The following HNF1A variants were observed in gnomAD, a reference collection of about 807,000 sequenced individuals.
HNF1A encodes the protein hepatocyte nuclear factor 1-alpha.
A neutral mutation model predicts 62.2 loss-of-function variants in HNF1A; 21 were observed. The ratio of observed to expected loss-of-function variants is 0.34; its 90% CI spans 0.24 to 0.49. The LOEUF (loss-of-function observed/expected upper bound fraction) is 0.49. Among genes scored for constraint, HNF1A ranks in the 20% least tolerant of loss-of-function variants. The pLI, the probability that HNF1A is intolerant of heterozygous loss-of-function variation, is 0.99. For synonymous variants in HNF1A, 374 were observed against 366.8 expected, an observed-to-expected ratio of 1.02 and a Z score of -0.22; for missense variants, 687 against 832.3, an observed-to-expected ratio of 0.83 and a Z score of 2.15.
chr12:121,001,292 G>A lies in HNF1A; in HGVS notation c.*100G>A. 7.0e-7 allele frequency: 1 copy of A among 1,425,524 alleles called. No homozygotes were observed. Among genetic ancestry groups the A allele is most frequent in the African/African-American group, 1.4e-5 (1 of 71,142 alleles). 88.3% of individuals were successfully genotyped at this position (1,425,524 alleles called of 1,614,324 possible). ...GGACCTGAGCCTGCCGAGCAACCGT[G>A]GCCCTTCCTGGACAGCTGTGCCTCG... On this transcript the variant is annotated 3_prime_UTR_variant, in exon 10 of 10. Transcript: ENST00000257555.
chr12:120,992,899 T>C (rs1240084748), intron 2 of HNF1A, among the ~76,000 whole-genome samples: 1 of 152,216 alleles, frequency 6.6e-6, no homozygotes. Context: ...ATTCAGAATC[T>C]ACCTTCCTCT....
intron 1 of HNF1A, among the ~76,000 whole-genome samples, chr12:120,984,780 C>A (rs570917094): frequency 1.5e-4 from 23 of 151,792 alleles, no homozygotes; most frequent in Non-Finnish European, 2.5e-4. Flanking sequence ...TTTTTGAGTC[C>A]CAACTAGATC....
chr12:120,997,486 C>T lies in HNF1A; in HGVS notation c.1322C>T (p.Thr441Met), dbSNP rs371544082. The T allele has an allele frequency of 4.4e-6, 7 of 1,608,490 alleles. No homozygotes were observed. The highest frequency in any genetic ancestry group is 2.2e-5 in the South Asian group (2 of 90,884). The stretch of plus-strand genomic sequence containing the variant: ...CCTTCCACTCCAGGCCTGGCCTCCA[C>T]GCAGGCACAGAGTGTGCCGGTCATC... ...ASTLVIGLAS[T>M]QAQSVPVINS... Residue 441 changes from threonine (T) to methionine (M), a missense_variant, in exon 7 of 10, where the codon ACG becomes ATG. By Grantham distance (81) the Thr-to-Met change is moderately conservative. Around this residue, in one of 5 missense-constraint regions of HNF1A, gnomAD observed 408 missense variants for 455.3 expected, o/e 0.90. Coordinates refer to ENST00000257555, the MANE Select transcript of HNF1A (RefSeq NM_000545.8).
Position 120,978,907 on chromosome 12 carries a change from G to A in HNF1A, c.139G>A (p.Gly47Arg), listed in dbSNP as rs373180062. The change falls in exon 1 of 10, where the codon GGG becomes AGG. Residue 47 changes from glycine to arginine, a missense_variant. Gly to Arg is a moderately radical substitution (Grantham distance 125, BLOSUM62 -2). This residue lies in a region of HNF1A where 159 missense variants were observed against 154.4 expected (regional missense o/e 1.03). Transcript: ENST00000257555. ...GGCTGGAGAAGGCCCCCTGGACAAG[G>A]GGGAGTCCTGCGGCGGCGGTCGAGG... ...LLAGEGPLDK[G>R]ESCGGGRGEL... 3 of 1,612,930 alleles carry A rather than the reference G, an allele frequency of 1.9e-6. No individual in the cohort carries two copies. The highest frequency in any genetic ancestry group is 2.5e-6 in the Non-Finnish European group (3 of 1,179,580).
In HNF1A at chr12:121,001,949, T is replaced by C; in HGVS notation, c.*757T>C. On this transcript the variant is annotated 3_prime_UTR_variant, in exon 10 of 10. Transcript: ENST00000257555. ...TGCCTCTGAGGCCAGCCTGGCCTCC[T>C]GCCTCTACTGGGAAGGCTACTTCGG... 1.9e-6 allele frequency: 1 copy of C among 529,336 alleles called. No individual in the cohort carries two copies. The highest frequency in any genetic ancestry group is 3.7e-6 in the Non-Finnish European group (1 of 273,026). 32.8% of individuals were successfully genotyped at this position (529,336 alleles called of 1,614,324 possible).
chr12:121,001,227 G>A lies in HNF1A; in HGVS notation c.*35G>A. The A allele has an allele frequency of 6.2e-7, 1 of 1,612,036 alleles. No homozygotes were observed. Among genetic ancestry groups the A allele is most frequent in the African/African-American group, 1.3e-5 (1 of 75,018 alleles). On this transcript the variant is annotated 3_prime_UTR_variant, in exon 10 of 10. Transcript: ENST00000257555. ...CTGGGCCCTGGGGCCTGTACTGCCTGCTTGGGGGGTGATGAGGGCAGCAGC... is the reference window on the plus strand; with the variant it reads ...CTGGGCCCTGGGGCCTGTACTGCCTACTTGGGGGGTGATGAGGGCAGCAGC...
At chr12:120,991,630 T>C (rs1326965240) in intron 2 of HNF1A, among the ~76,000 whole-genome samples, 1 of 86,444 alleles carries the variant, frequency 1.2e-5, no homozygotes, top group African/African-American at 4.3e-5. Flanking sequence ...GTATGTATGA[T>C]GTATGTATGT....
Position 120,988,853 on chromosome 12 carries a change from C to T in HNF1A, c.347C>T (p.Ala116Val), listed in dbSNP as rs752886203. The stretch of plus-strand genomic sequence containing the variant: ...CCCAGGGAGGACCCGTGGCGTGTGG[C>T]GAAGATGGTCAAGTCCTACCTGCAG... ...TLLQEDPWRV[A>V]KMVKSYLQQH... Residue 116 changes from alanine (A) to valine (V), a missense_variant, in exon 2 of 10, where the codon GCG (alanine) becomes GTG (valine). Ala to Val is a moderately conservative substitution (Grantham distance 64, BLOSUM62 0). Transcript: ENST00000257555. The T allele has an allele frequency of 1.9e-6, 3 of 1,614,208 alleles. No individual in the cohort carries two copies. Among genetic ancestry groups the T allele is most frequent in the Admixed American group, 1.7e-5 (1 of 60,032 alleles).
chr12:120,993,119 C>G (rs1043251171), intron 2 of HNF1A, among the ~76,000 whole-genome samples: 2 of 152,176 alleles, frequency 1.3e-5, no homozygotes, highest in African/African-American at 4.8e-5. Context: ...ACATATGGCT[C>G]AAATTTTTGC....
At chr12:120,989,162 T>C (rs1876685077) in intron 2 of HNF1A, 130 bp downstream of exon 2, 2 of 889,342 alleles carry the variant, frequency 2.2e-6, no homozygotes, top group Non-Finnish European at 3.6e-6. Flanking sequence ...TCAGTGGGAT[T>C]CAACCTGCAT....
chr12:120,991,998 G>T (rs1203309659), intron 2 of HNF1A, among the ~76,000 whole-genome samples: 1 of 152,130 alleles, frequency 6.6e-6, no homozygotes, highest in African/African-American at 2.4e-5. Flanking sequence ...TTTCCCTGGG[G>T]GATTTTTAAC....
Position 120,996,359 on chromosome 12 carries a change from G to A in HNF1A, c.1053G>A (p.Val351=), listed in dbSNP as rs1364261223. The A allele has an allele frequency of 3.1e-6, 5 of 1,614,162 alleles. No homozygotes were observed. Among genetic ancestry groups the A allele is most frequent in the Non-Finnish European group, 3.4e-6 (4 of 1,180,036 alleles). ...LVTVSTPLHQ[V]SPTGLEPSHS... is the part of the protein sequence containing the mutation. The stretch of plus-strand genomic sequence containing the variant: ...CAGTGTCTACACCCCTCCACCAAGT[G>A]TCCCCCACGGGCCTGGAGCCCAGCC... Residue 351 remains valine, a synonymous_variant, in exon 5 of 10, where the codon GTG becomes GTA. Transcript: ENST00000257555. This position sits in a 1 kb window ranked among gnomAD's most constrained non-coding sequence, Gnocchi z 4.5.
In HNF1A at chr12:120,993,587, G is replaced by A. The variant is rs1218370260; in HGVS notation, c.594G>A (p.Lys198=). ...EPTGDELPTK[K]GRRNRFKWGP... ...CAGGTGATGAGCTACCAACCAAGAA[G>A]GGGCGGAGGAACCGTTTCAAGTGGG... Residue 198 remains lysine, a synonymous_variant, in exon 3 of 10, where the codon AAG becomes AAA. Coordinates refer to ENST00000257555, the MANE Select transcript of HNF1A (RefSeq NM_000545.8). The A allele has an allele frequency of 1.2e-6, 2 of 1,614,076 alleles. No individual in the cohort carries two copies. Among genetic ancestry groups the A allele is most frequent in the African/African-American group, 1.3e-5 (1 of 74,926 alleles).
intron 1 of HNF1A, among the ~76,000 whole-genome samples, chr12:120,980,247 A>G (rs1248480265): frequency 2.6e-5 from 4 of 152,156 alleles, no homozygotes; most frequent in Non-Finnish European, 5.9e-5. Flanking sequence ...GGTGCTCTCA[A>G]TTGCTATGAC....
chr12:120,981,766 T>A (rs1484212669), intron 1 of HNF1A, among the ~76,000 whole-genome samples: 1 of 152,242 alleles, frequency 6.6e-6, no homozygotes, highest in Non-Finnish European at 1.5e-5. Context: ...TCAAGACTTG[T>A]GATCATCTGA....
At chr12:120,987,058 A>G (rs7310409) in intron 1 of HNF1A, among the ~76,000 whole-genome samples, 93,300 of 151,974 alleles carry the variant, frequency 0.61, 28,832 homozygotes, top group African/African-American at 0.68. Flanking sequence ...AGGTGGCATC[A>G]GGTCCCTTTG....
rs761779651 is a variant in HNF1A at position 120,978,921 on chromosome 12, C to T, written c.153C>T (p.Gly51=). 11 of 1,611,212 alleles carry T rather than the reference C, an allele frequency of 6.8e-6. No homozygotes were observed. The highest frequency in any genetic ancestry group is 6.7e-5 in the Admixed American group (4 of 59,488). The change falls in exon 1 of 10, where the codon GGC becomes GGT. Residue 51 remains glycine (G), a synonymous_variant. Transcript: ENST00000257555. ...EGPLDKGESC[G]GGRGELAELP... Reference sequence around the variant, plus strand: ...CCCTGGACAAGGGGGAGTCCTGCGGCGGCGGTCGAGGGGAGCTGGCTGAGC... The same window carrying T: ...CCCTGGACAAGGGGGAGTCCTGCGGTGGCGGTCGAGGGGAGCTGGCTGAGC...
rs370313011 is a variant in HNF1A at position 120,979,105 on chromosome 12, C to T, written c.326+11C>T. On this transcript the variant is annotated intron_variant, in intron 1 of 9. Coordinates refer to ENST00000257555, the MANE Select transcript of HNF1A (RefSeq NM_000545.8). ...GGAGACCCTTCTGCAGTAAGGAGCCCTGCCCCGTCCCCGCTCCCAGGAGAG... is the reference window on the plus strand; with the variant it reads ...GGAGACCCTTCTGCAGTAAGGAGCCTTGCCCCGTCCCCGCTCCCAGGAGAG... 1.9e-6 allele frequency: 3 copies of T among 1,601,112 alleles called. No individual in the cohort carries two copies. The highest frequency in any genetic ancestry group is 2.6e-6 in the Non-Finnish European group (3 of 1,174,496).
intron 1 of HNF1A, among the ~76,000 whole-genome samples, chr12:120,980,185 G>A (rs1357222500): frequency 6.6e-6 from 1 of 152,184 alleles, no homozygotes; most frequent in African/African-American, 2.4e-5. Context: ...CTTAGAGCCG[G>A]GAAGGAGCTA....
Sources: gnomAD v4.1 joint callset for allele counts (sites outside exome capture counted in the v4.1 genomes callset) on GRCh38, gnomAD v4.1.1 for gene constraint, gnomAD v4.1.1 regional missense constraint, Gnocchi (gnomAD v3.1) non-coding constraint, MANE v1.5 for transcripts, NCBI Gene and HGNC (gene_info 2026-07-23, HGNC 2026-07-21) for gene names.